Variants in URB2 observed in about 807,000 individuals in gnomAD.
URB2 encodes URB2 ribosome biogenesis homolog.
In URB2, 86 loss-of-function variants were observed where a neutral mutation model predicts 120.9. The observed-to-expected ratio is 0.71, with a 90% CI of 0.60 to 0.85. URB2 has a LOEUF of 0.85. URB2 is among the 40% of genes least tolerant of loss of function. The pLI is 0.00. For synonymous variants in URB2, 755 were observed against 758.4 expected, an observed-to-expected ratio of 1.00 and a Z score of 0.07; for missense variants, 1,765 against 1,836.5, an observed-to-expected ratio of 0.96 and a Z score of 0.71.
rs1665792015 is a variant in URB2 at position 229,635,839 on chromosome 1, T to A, written c.1226T>A (p.Phe409Tyr). Residue 409 changes from phenylalanine (F) to tyrosine (Y), a missense_variant, in exon 4 of 10, where the codon TTC becomes TAC. Coordinates refer to ENST00000258243, the MANE Select transcript of URB2 (RefSeq NM_014777.4). ...GCACAAGCACCCATACCGGCCTGGT[T>A]CCGCTGTCTGAAGACTTTGATATCT... ...NHAQAPIPAW[F>Y]RCLKTLISLN... The A allele has an allele frequency of 1.2e-6, 2 of 1,614,022 alleles. No individual in the cohort carries two copies. Among genetic ancestry groups the A allele is most frequent in the Non-Finnish European group, 1.7e-6 (2 of 1,179,986 alleles).
intron 3 of URB2, 136 bp from the exon 4 acceptor site, chr1:229,634,781 T>TA: frequency 1.3e-6 from 1 of 758,744 alleles, no homozygotes; most frequent in South Asian, 3.9e-5. Flanking sequence ...TTCATTGAAA[T>TA]ATGGTAATCT....
rs757841631 is a variant in URB2 at position 229,635,425 on chromosome 1, T to G, written c.812T>G (p.Met271Arg). 1.9e-5 allele frequency: 30 copies of G among 1,613,894 alleles called. 1 individual carries two copies. In the South Asian group the frequency reaches 3.2e-4, roughly 17 times the overall value. Residue 271 changes from methionine (M) to arginine (R), a missense_variant, in exon 4 of 10, where the codon ATG becomes AGG. Coordinates refer to ENST00000258243, the MANE Select transcript of URB2 (RefSeq NM_014777.4). ...QQQGDVKTGA[M>R]KNLLAPMDTV... is the part of the protein sequence containing the mutation. The stretch of plus-strand genomic sequence containing the variant: ...CAAGGGGATGTGAAGACGGGAGCCA[T>G]GAAGAACCTTCTGGCTCCCATGGAC...
rs751915154 is a variant in URB2, at chr1:229,636,241, G to A, written c.1628G>A (p.Ser543Asn). Residue 543 changes from serine (S) to asparagine (N), a missense_variant, in exon 4 of 10, where the codon AGC (serine) becomes AAC (asparagine). Coordinates refer to ENST00000258243, the MANE Select transcript of URB2 (RefSeq NM_014777.4). ...ATGGCCCTGAAATCACTGTCACTGA[G>A]CTTGCTGCTGCACTGCATCATGTTC... ...ADMALKSLSL[S>N]LLLHCIMFNM... is the part of the protein sequence containing the mutation. 6.2e-7 allele frequency: 1 copy of A among 1,613,514 alleles called. No individual in the cohort carries two copies. The highest frequency in any genetic ancestry group is 8.5e-7 in the Non-Finnish European group (1 of 1,179,458).
intron 2 of URB2, among the ~76,000 whole-genome samples, chr1:229,631,532 T>A (rs1665666314): frequency 6.6e-6 from 1 of 152,244 alleles, no homozygotes; most frequent in Admixed American, 6.5e-5. Flanking sequence ...GACATGCAGC[T>A]AGTCCTTCCA....
chr1:229,636,914 G>C lies in URB2; in HGVS notation c.2301G>C (p.Leu767=). Reference sequence around the variant, plus strand: ...TGGGATACCTGGCCAGTGTCCTGCTGAGAACTTTACCCATGGGCAAAGCCC... The same window carrying C: ...TGGGATACCTGGCCAGTGTCCTGCTCAGAACTTTACCCATGGGCAAAGCCC... ...DDVGYLASVL[L]RTLPMGKAQE... The change falls in exon 4 of 10, where the codon CTG becomes CTC. Residue 767 remains leucine, a synonymous_variant. Coordinates refer to ENST00000258243, the MANE Select transcript of URB2 (RefSeq NM_014777.4). 2 of 1,612,746 alleles carry C rather than the reference G, an allele frequency of 1.2e-6. No individual in the cohort carries two copies. The highest frequency in any genetic ancestry group is 1.7e-6 in the Non-Finnish European group (2 of 1,179,230).
rs775246393 is a variant in URB2 at position 229,635,265 on chromosome 1, A to G, written c.652A>G (p.Thr218Ala). ...GCACTTACTCTCTGGGGGCACATGG[A>G]CGCAGGCTGGCCAGGGCCAGCTGAG... is the stretch of plus-strand genomic sequence containing the variant. The part of the protein sequence containing the change: ...LRHLLSGGTW[T>A]QAGQGQLRQV... Residue 218 changes from threonine (T) to alanine (A), a missense_variant, in exon 4 of 10, where the codon ACG becomes GCG. By Grantham distance (58) the Thr-to-Ala change is moderately conservative (BLOSUM62 0). Transcript: ENST00000258243. The G allele has an allele frequency of 1.2e-6, 2 of 1,614,078 alleles. No individual in the cohort carries two copies. The highest frequency in any genetic ancestry group is 2.2e-5 in the South Asian group (2 of 91,092).
chr1:229,638,138 T>G lies in URB2; in HGVS notation c.3525T>G (p.Phe1175Leu). 6.2e-7 allele frequency: 1 copy of G among 1,614,216 alleles called. No homozygotes were observed. The highest frequency in any genetic ancestry group is 1.6e-4 in the Middle Eastern group (1 of 6,062). ...CTCTCGCGGGACATGATCAGTCTTT[T>G]CAGGCAGCCTTGCAGTTTTTGACTC... ...LPALAGHDQS[F>L]QAALQFLTLF... The change falls in exon 4 of 10, where the codon TTT becomes TTG. Residue 1175 changes from phenylalanine (F) to leucine (L), a missense_variant. Physicochemically the swap from Phe to Leu is conservative, Grantham distance 22. Transcript: ENST00000258243.
At position 229,636,997 on chromosome 1, in the gene URB2, T is replaced by G; in HGVS notation, c.2384T>G (p.Phe795Cys). The G allele has an allele frequency of 1.9e-6, 3 of 1,614,072 alleles. No individual in the cohort carries two copies. Among genetic ancestry groups the G allele is most frequent in the Non-Finnish European group, 2.5e-6 (3 of 1,180,040 alleles). Residue 795 changes from phenylalanine (F) to cysteine (C), a missense_variant, in exon 4 of 10, where the codon TTC becomes TGC. Physicochemically the swap from Phe to Cys is radical, Grantham distance 205 (BLOSUM62 -2). Coordinates refer to ENST00000258243, the MANE Select transcript of URB2 (RefSeq NM_014777.4). ...YITLEKISKA[F>C]LHSPLFPEMQ... ...ACACTGGAAAAAATATCCAAAGCCT[T>G]CCTTCATAGCCCTCTCTTTCCAGAG...
intron 1 of URB2, 149 bp from the exon 2 acceptor site, chr1:229,627,472 C>T (rs1558159605): frequency 1.1e-5 from 8 of 734,090 alleles, no homozygotes; most frequent in Non-Finnish European, 1.5e-5. Context: ...TGTAGATTTA[C>T]CCCGACAAAT....
rs1358491390 is a variant in URB2 at position 229,660,035 on chromosome 1, A to C, written c.*738A>C. On this transcript the variant is annotated 3_prime_UTR_variant, in exon 10 of 10. Coordinates refer to ENST00000258243, the MANE Select transcript of URB2 (RefSeq NM_014777.4). Reference sequence around the variant, plus strand: ...ATAGCAACCTCAGAAAAGAAAAATAAAAGGATAATTTAAAAAACTCATTCA... The same window carrying C: ...ATAGCAACCTCAGAAAAGAAAAATACAAGGATAATTTAAAAAACTCATTCA... The C allele has an allele frequency of 6.6e-6, 1 of 152,250 alleles. No individual in the cohort carries two copies. Among genetic ancestry groups the C allele is most frequent in the African/African-American group, 2.4e-5 (1 of 41,462 alleles). 9.4% of individuals were successfully genotyped at this position (152,250 alleles called of 1,614,324 possible).
rs752921090 is a variant in URB2, at chr1:229,636,849, A to G, written c.2236A>G (p.Asn746Asp). 1.2e-6 allele frequency: 2 copies of G among 1,611,346 alleles called. No homozygotes were observed. Among genetic ancestry groups the G allele is most frequent in the African/African-American group, 1.3e-5 (1 of 74,992 alleles). ...AGCACACTGGCACTTGATTGTGTCA[A>G]ATCTCACAATTTTAATATCCTATCT... ...PVAHWHLIVS[N>D]LTILISYLCP... The change falls in exon 4 of 10, where the codon AAT becomes GAT. Residue 746 changes from asparagine (N) to aspartate (D), a missense_variant. Physicochemically the swap from Asn to Asp is conservative, Grantham distance 23 (BLOSUM62 1). Coordinates refer to ENST00000258243, the MANE Select transcript of URB2 (RefSeq NM_014777.4).
intron 9 of URB2, among the ~76,000 whole-genome samples, chr1:229,655,153 TAGAC>T (rs538444633): frequency 7.9e-5 from 12 of 152,228 alleles, no homozygotes; most frequent in South Asian, 2.1e-4. Flanking sequence ...GTTGTTAAAA[TAGAC>T]AGATTAAGAA....
intron 3 of URB2, among the ~76,000 whole-genome samples, chr1:229,632,693 T>C (rs1454606100): frequency 6.6e-6 from 1 of 152,268 alleles, no homozygotes; most frequent in Non-Finnish European, 1.5e-5. Flanking sequence ...ATTACCTTTT[T>C]AATTGGAAAA....
At chr1:229,628,926 A>G (rs1436973168) in intron 2 of URB2, among the ~76,000 whole-genome samples, 3 of 152,206 alleles carry the variant, frequency 2.0e-5, no homozygotes, top group Non-Finnish European at 2.9e-5. Flanking sequence ...AGTGCTTTCT[A>G]CACCTGGCTG....
chr1:229,648,189 A>G (rs1378520180), intron 7 of URB2, among the ~76,000 whole-genome samples: 4 of 152,234 alleles, frequency 2.6e-5, no homozygotes, highest in Non-Finnish European at 5.9e-5. Context: ...ACCTTCAGCT[A>G]TGTGTATAAA....
intron 2 of URB2, among the ~76,000 whole-genome samples, chr1:229,629,077 T>C (rs916587174): frequency 6.6e-6 from 1 of 152,232 alleles, no homozygotes; most frequent in Non-Finnish European, 1.5e-5. Context: ...CTGGCATCTG[T>C]CACTATTCAT....
At position 229,635,552 on chromosome 1, in the gene URB2, T is replaced by C. The variant is rs749194032; in HGVS notation, c.939T>C (p.Asp313=). Residue 313 remains aspartate (D), a synonymous_variant, in exon 4 of 10, where the codon GAT becomes GAC. Transcript: ENST00000258243. Reference sequence around the variant, plus strand: ...CCTTGCTGTATAAGCTCTTTCTAGATTCTTACTTTAAGGAGGGAAACCAGC... The same window carrying C: ...CCTTGCTGTATAAGCTCTTTCTAGACTCTTACTTTAAGGAGGGAAACCAGC... ...SVALLYKLFL[D]SYFKEGNQLL... 7 of 1,614,000 alleles carry C rather than the reference T, an allele frequency of 4.3e-6. No homozygotes were observed. The South Asian group carries it at 4.4e-5, about 10-fold the overall frequency.
rs540815059 is a variant in URB2, at chr1:229,659,202, C to T, written c.4480C>T (p.Gln1494Ter). 3 of 1,613,914 alleles carry T rather than the reference C, an allele frequency of 1.9e-6. No homozygotes were observed. Among genetic ancestry groups the T allele is most frequent in the Non-Finnish European group, 2.5e-6 (3 of 1,180,026 alleles). The part of the protein sequence containing the change: ...PDVQFLRASL[Q>*]PGMRDIFKEL... Reference sequence around the variant, plus strand: ...CGTCCAGTTCCTGCGGGCCTCGCTGCAGCCGGGAATGAGAGACATCTTTAA... The same window carrying T: ...CGTCCAGTTCCTGCGGGCCTCGCTGTAGCCGGGAATGAGAGACATCTTTAA... The change falls in exon 10 of 10, where the codon CAG (glutamine) becomes TAG (stop). Residue 1494 changes from glutamine to a stop codon, truncating the protein, a stop_gained. Transcript: ENST00000258243. LOFTEE classifies it low-confidence loss of function (END_TRUNC).
intron 1 of URB2, 119 bp downstream of exon 1, chr1:229,626,475 C>T (rs529550362): frequency 1.3e-5 from 2 of 152,928 alleles, no homozygotes; most frequent in East Asian, 1.9e-4. Context: ...ATGGGGGGCC[C>T]CCCAACCCTG....
Sources: allele counts gnomAD v4.1 joint callset (sites outside exome capture counted in the v4.1 genomes callset), GRCh38; gene constraint gnomAD v4.1.1; transcripts MANE v1.5; gene names NCBI Gene and HGNC (gene_info 2026-07-23, HGNC 2026-07-21).